The following CACNA2D3 variants were observed in gnomAD, a reference collection of about 807,000 sequenced individuals.
CACNA2D3 encodes the protein calcium voltage-gated channel auxiliary subunit alpha2delta 3.
CACNA2D3 carries 60 observed loss-of-function variants against 160.6 expected under a neutral mutation model. That is an observed-to-expected ratio of 0.37 (90% CI 0.30 to 0.46). CACNA2D3 has a LOEUF of 0.46. CACNA2D3 is among the 20% of genes least tolerant of loss of function. CACNA2D3 has a pLI of 1.00. For synonymous variants in CACNA2D3, 558 were observed against 492.9 expected (o/e 1.13, Z -1.75); for missense variants, 1,205 against 1,365.0 (o/e 0.88, Z 1.85).
intron 5 of CACNA2D3, among the ~76,000 whole-genome samples, chr3:54,547,096 G>T (rs1384975948): frequency 6.6e-6 from 1 of 152,156 alleles, no homozygotes; most frequent in South Asian, 2.1e-4. Context: ...CTTCACTGCT[G>T]TTGTTCAACA....
intron 2 of CACNA2D3, among the ~76,000 whole-genome samples, chr3:54,151,073 G>GA (rs1700141811): frequency 6.6e-6 from 1 of 151,696 alleles, no homozygotes; most frequent in African/African-American, 2.4e-5. Context: ...GTGGATAGAT[G>GA]AATGAATGGA....
intron 9 of CACNA2D3, among the ~76,000 whole-genome samples, chr3:54,591,225 C>T (rs1258399068): frequency 6.6e-6 from 1 of 152,178 alleles, no homozygotes. Context: ...GAAAAGTCAG[C>T]ACCCAAAACC....
chr3:54,719,482 C>T (rs1701128597), intron 11 of CACNA2D3, among the ~76,000 whole-genome samples: 1 of 151,848 alleles, frequency 6.6e-6, no homozygotes, highest in African/African-American at 2.4e-5. Flanking sequence ...GATAAAATAA[C>T]TTTACATTCG....
At chr3:54,249,764 G>GT (rs11301633) in intron 2 of CACNA2D3, among the ~76,000 whole-genome samples, 282 of 141,360 alleles carry the variant, frequency 2.0e-3, no homozygotes, top group East Asian at 5.9e-3. Context: ...CCAAAATTAT[G>GT]TTTTTTTTTT....
At chr3:54,859,907 C>A (rs1398038790) in intron 17 of CACNA2D3, among the ~76,000 whole-genome samples, 1 of 151,356 alleles carries the variant, frequency 6.6e-6, no homozygotes, top group Non-Finnish European at 1.5e-5. Flanking sequence ...AGGCAATTCA[C>A]CCCAGGCAGA....
intron 35 of CACNA2D3, among the ~76,000 whole-genome samples, chr3:55,031,008 A>T: frequency 6.6e-6 from 1 of 152,094 alleles, no homozygotes; most frequent in African/African-American, 2.4e-5. Context: ...ATGTGTGGGG[A>T]AGAGGGGTGG....
chr3:54,996,176 T>C (rs1023581339), intron 31 of CACNA2D3, among the ~76,000 whole-genome samples: 1 of 152,230 alleles, frequency 6.6e-6, no homozygotes, highest in Non-Finnish European at 1.5e-5. Context: ...CTATGAAATA[T>C]GGACCTGGCT....
chr3:54,867,048 T>C (rs1343338031), intron 17 of CACNA2D3, among the ~76,000 whole-genome samples: 1 of 152,166 alleles, frequency 6.6e-6, no homozygotes, highest in Non-Finnish European at 1.5e-5. Flanking sequence ...TTGGAAACCG[T>C]TTGCAATTAG....
At position 54,828,924 on chromosome 3, in the gene CACNA2D3, ACAAT is replaced by A. The variant is rs554593429; in HGVS notation, c.1399-8231_1399-8228del. Among the ~76,000 whole-genome samples the A allele has an allele frequency of 9.8e-5, 15 of 152,374 alleles. No individual in the cohort carries two copies. The East Asian group carries it at 2.3e-3, about 24-fold the overall frequency. On this transcript the variant is annotated intron_variant, in intron 14 of 37. Transcript: ENST00000474759. ...GATTTAGTGATTACACTTTACCAAGACAATCAAGTGAAAAGCAAGAGGACATGTT... is the reference window on the plus strand; with the variant it reads ...GATTTAGTGATTACACTTTACCAAGACAAGTGAAAAGCAAGAGGACATGTT...
intron 3 of CACNA2D3, among the ~76,000 whole-genome samples, chr3:54,362,311 G>T (rs1698757012): frequency 6.6e-6 from 1 of 152,134 alleles, no homozygotes; most frequent in Admixed American, 6.5e-5. Context: ...CATAGGACTG[G>T]GGTCCCCATT....
chr3:54,540,019 G>T (rs537171374), intron 5 of CACNA2D3, among the ~76,000 whole-genome samples: 1 of 152,254 alleles, frequency 6.6e-6, no homozygotes, highest in South Asian at 2.1e-4. Context: ...ATTTGCAGCC[G>T]TCTTGGAAGA....
At chr3:54,223,145 T>C (rs1450611317) in intron 2 of CACNA2D3, among the ~76,000 whole-genome samples, 1 of 152,230 alleles carries the variant, frequency 6.6e-6, no homozygotes, top group Non-Finnish European at 1.5e-5. Context: ...GGTACTTTAC[T>C]GTATTCATAG....
chr3:54,707,578 G>A (rs962287716), intron 11 of CACNA2D3, among the ~76,000 whole-genome samples: 4 of 152,136 alleles, frequency 2.6e-5, no homozygotes, highest in Non-Finnish European at 5.9e-5. Flanking sequence ...AAGAGATCCT[G>A]ATTCTTTTAT....
At chr3:54,606,191 A>G (rs1010055676) in intron 9 of CACNA2D3, among the ~76,000 whole-genome samples, 8 of 152,038 alleles carry the variant, frequency 5.3e-5, no homozygotes, top group African/African-American at 4.8e-5. Context: ...ATAACAACCA[A>G]TGCATTCCTC....
intron 35 of CACNA2D3, among the ~76,000 whole-genome samples, chr3:55,035,782 A>G (rs1394229404): frequency 6.6e-6 from 1 of 152,210 alleles, no homozygotes; most frequent in Non-Finnish European, 1.5e-5. Flanking sequence ...GGTAGAAAAT[A>G]TATACCCTTG....
rs1024656397 is a variant in CACNA2D3 at position 54,520,622 on chromosome 3, A to G, written c.544+16968A>G. Among the ~76,000 whole-genome samples the G allele has an allele frequency of 6.6e-5, 10 of 152,342 alleles. No homozygotes were observed. In the South Asian group the frequency reaches 1.2e-3, roughly 19 times the overall value. ...ACCCCTTTATTGAGATACAATTCAC[A>G]TAACATACAATTTGCCTGTTTAAAG... On this transcript the variant is annotated intron_variant, in intron 5 of 37. Coordinates refer to ENST00000474759, the MANE Select transcript of CACNA2D3 (RefSeq NM_018398.3).
intron 35 of CACNA2D3, among the ~76,000 whole-genome samples, chr3:55,041,087 C>G (rs563258437): frequency 5.3e-4 from 80 of 152,258 alleles, no homozygotes; most frequent in African/African-American, 1.9e-3. Flanking sequence ...GATCTTTCCT[C>G]ATAGGTTTTG....
At chr3:54,679,444 A>G (rs187452611) in intron 11 of CACNA2D3, among the ~76,000 whole-genome samples, 114 of 152,320 alleles carry the variant, frequency 7.5e-4, no homozygotes, top group Non-Finnish European at 1.0e-3. Flanking sequence ...TGAGCACTCC[A>G]TATCCTCTCT....
In CACNA2D3 at chr3:54,817,832, G is replaced by A. The variant is rs1179912; in HGVS notation, c.1398+962G>A. ...ATTTGAGGTATTTAAACAAGGCAAG[G>A]CATGCTAGTGTGTGACTTGGCTTGT... On this transcript the variant is annotated intron_variant, in intron 14 of 37. Coordinates refer to ENST00000474759, the MANE Select transcript of CACNA2D3 (RefSeq NM_018398.3). 5.3e-3 allele frequency among the ~76,000 whole-genome samples: 811 copies of A among 152,292 alleles called. 9 individuals are homozygous for A. Among genetic ancestry groups the A allele is most frequent in the African/African-American group, 0.017 (720 of 41,558 alleles).
Sources: allele counts gnomAD v4.1 joint callset (sites outside exome capture counted in the v4.1 genomes callset), GRCh38; gene constraint gnomAD v4.1.1; transcripts MANE v1.5; gene names NCBI Gene and HGNC (gene_info 2026-07-23, HGNC 2026-07-21).